The following SOX5 variants were observed in gnomAD, a reference collection of about 807,000 sequenced individuals.
The protein encoded by SOX5 is transcription factor SOX-5.
In SOX5, 9 loss-of-function variants were observed where a neutral mutation model predicts 92.0. The ratio of observed to expected loss-of-function variants is 0.10; its 90% CI spans 0.06 to 0.17. SOX5 has a LOEUF of 0.17. SOX5 is among the 10% of genes least tolerant of loss of function. The probability of loss-of-function intolerance (pLI) is 1.00; values close to 1 mark genes in which losing one functional copy is unlikely to be tolerated. For missense variants in SOX5, 642 were observed against 944.5 expected, an observed-to-expected ratio of 0.68 and a Z score of 4.20; for synonymous variants, 344 against 336.3, an observed-to-expected ratio of 1.02 and a Z score of -0.25.
intron 9 of SOX5, among the ~76,000 whole-genome samples, chr12:23,587,553 C>G (rs1993930): frequency 0.94 from 142,547 of 152,116 alleles, 67,470 homozygotes; most frequent in East Asian, 1. Context: ...CATAGATAGG[C>G]ACCTTGTAAT....
At chr12:23,984,397 C>G (rs572197942) in intron 4 of SOX5, among the ~76,000 whole-genome samples, 3 of 152,294 alleles carry the variant, frequency 2.0e-5, no homozygotes, top group African/African-American at 7.2e-5. Flanking sequence ...GCAGGAACTT[C>G]TAAACTGAAG....
intron 4 of SOX5, among the ~76,000 whole-genome samples, chr12:23,994,215 G>C (rs1259209012): frequency 6.6e-6 from 1 of 151,858 alleles, no homozygotes; most frequent in East Asian, 1.9e-4. Flanking sequence ...AATGAGTGAA[G>C]ACACATAGAA....
At chr12:24,060,740 G>A (rs904763838) in intron 4 of SOX5, among the ~76,000 whole-genome samples, 4 of 152,156 alleles carry the variant, frequency 2.6e-5, no homozygotes, top group Non-Finnish European at 5.9e-5. Flanking sequence ...GCGGGACTTC[G>A]ATAAAGCTAT....
At chr12:24,066,166 A>G (rs905584933) in intron 4 of SOX5, among the ~76,000 whole-genome samples, 2 of 152,234 alleles carry the variant, frequency 1.3e-5, no homozygotes, top group Non-Finnish European at 2.9e-5. Flanking sequence ...TATAAATTTG[A>G]CAAAAAGATA....
rs1025702944 is a variant in SOX5 at position 24,314,938 on chromosome 12, C to T, written c.-173-37626G>A. On this transcript the variant is annotated intron_variant, in intron 2 of 4. Transcript: ENST00000446891. ...ATACTGCATGGCTCTAAACTGTTTA[C>T]CTTGATTATTAATGCATCTGCAATG... Among the ~76,000 whole-genome samples, 65 of 152,284 alleles carry T rather than the reference C, an allele frequency of 4.3e-4. 1 individual carries two copies. The highest frequency in any genetic ancestry group is 1.4e-3 in the African/African-American group (60 of 41,546).
At position 24,278,047 on chromosome 12, in the gene SOX5, A is replaced by G. The variant is rs980232149; in HGVS notation, c.-173-735T>C. 2.6e-5 allele frequency among the ~76,000 whole-genome samples: 4 copies of G among 152,202 alleles called. 1 individual carries two copies. Among genetic ancestry groups the G allele is most frequent in the African/African-American group, 9.6e-5 (4 of 41,458 alleles). Reference sequence around the variant, plus strand: ...CAATCTGTTGAGATTCCCAAGAATCAGACTTATGAAAGCAAGGAACCTGTA... The same window carrying G: ...CAATCTGTTGAGATTCCCAAGAATCGGACTTATGAAAGCAAGGAACCTGTA... On this transcript the variant is annotated intron_variant, in intron 2 of 4. Coordinates refer to the SOX5 transcript ENST00000446891.
At chr12:23,714,337 T>C (rs1361599113) in intron 6 of SOX5, among the ~76,000 whole-genome samples, 3 of 152,148 alleles carry the variant, frequency 2.0e-5, no homozygotes, top group Admixed American at 6.6e-5. Context: ...TGTCTACACT[T>C]GTAGGCTGGG....
intron 8 of SOX5, among the ~76,000 whole-genome samples, chr12:23,617,415 G>C (rs1171508074): frequency 1.3e-5 from 2 of 152,100 alleles, no homozygotes; most frequent in African/African-American, 4.8e-5. Flanking sequence ...CTGTTAAAAA[G>C]CTATAGTGAA....
chr12:23,679,572 TCA>T, intron 6 of SOX5, among the ~76,000 whole-genome samples: 1 of 152,256 alleles, frequency 6.6e-6, no homozygotes, highest in Middle Eastern at 3.4e-3. Context: ...TATAACTCAA[TCA>T]CACAGACTTT....
intron 4 of SOX5, among the ~76,000 whole-genome samples, chr12:23,965,143 G>A (rs113538916): frequency 7.2e-5 from 11 of 152,320 alleles, no homozygotes; most frequent in East Asian, 1.9e-4. Context: ...ACCATCTACC[G>A]TGGAACAGAT....
chr12:23,938,133 A>G (rs1267031151), intron 1 of SOX5, among the ~76,000 whole-genome samples: 1 of 151,034 alleles, frequency 6.6e-6, no homozygotes, highest in East Asian at 1.9e-4. Context: ...CCAGATGTAT[A>G]ATTAAGGCAA....
chr12:23,559,594 C>G (rs1945832616), intron 11 of SOX5, among the ~76,000 whole-genome samples: 1 of 152,184 alleles, frequency 6.6e-6, no homozygotes. Flanking sequence ...ATCTTCACAC[C>G]TCTAATTGTT....
At chr12:24,090,044 A>G (rs1944455725) in intron 4 of SOX5, among the ~76,000 whole-genome samples, 1 of 152,180 alleles carries the variant, frequency 6.6e-6, no homozygotes, top group Non-Finnish European at 1.5e-5. Flanking sequence ...TTCTTAAAAT[A>G]AGACATTTTA....
intron 3 of SOX5, among the ~76,000 whole-genome samples, chr12:24,267,572 A>C (rs1380557109): frequency 6.6e-6 from 1 of 152,172 alleles, no homozygotes; most frequent in African/African-American, 2.4e-5. Flanking sequence ...ATGATAAATA[A>C]TCTAGAATTT....
At chr12:23,673,597 T>C (rs1425024105) in intron 6 of SOX5, among the ~76,000 whole-genome samples, 2 of 152,082 alleles carry the variant, frequency 1.3e-5, no homozygotes, top group African/African-American at 4.8e-5. Context: ...ACAATAAAAT[T>C]CCCTATTACT....
Position 23,532,191 on chromosome 12 carries a change from AAAAC to A in SOX5, c.*2024_*2027del, listed in dbSNP as rs964785559. The A allele has an allele frequency of 6.6e-5, 10 of 152,098 alleles. No individual in the cohort carries two copies. Among genetic ancestry groups the A allele is most frequent in the East Asian group, 3.9e-4 (2 of 5,178 alleles). The allele number at this position is 152,098 out of a possible 1,614,324, so 9.4% of individuals were successfully genotyped here. A position where few individuals can be genotyped will look rare whatever the true frequency, so the allele number is the denominator to read the frequency against. ...AGTTCAAATGTAAATAAAGTCATCA[AAAAC>A]AAACAAACAGAAAAACAAACAAAAT... On this transcript the variant is annotated 3_prime_UTR_variant, in exon 15 of 15. Transcript: ENST00000451604.
intron 4 of SOX5, among the ~76,000 whole-genome samples, chr12:24,095,128 CAGAGAGAGAGAG>C (rs764681203): frequency 1.1e-5 from 1 of 90,212 alleles, no homozygotes; most frequent in Non-Finnish European, 2.3e-5. Context: ...CACACACACA[CAGAGAGAGAGAG>C]AGAGAGAGAG....
chr12:23,716,319 T>C (rs750965862), intron 6 of SOX5, among the ~76,000 whole-genome samples: 11 of 152,216 alleles, frequency 7.2e-5, no homozygotes, highest in Non-Finnish European at 1.5e-4. Flanking sequence ...GCATAGTTAA[T>C]GATTTTGTCA....
intron 2 of SOX5, among the ~76,000 whole-genome samples, chr12:23,871,850 T>A (rs1347077775): frequency 6.6e-6 from 1 of 152,110 alleles, no homozygotes; most frequent in Non-Finnish European, 1.5e-5. Flanking sequence ...TGCCTACAGT[T>A]CTTAATGGAT....
Sources: gnomAD v4.1 joint callset for allele counts (sites outside exome capture counted in the v4.1 genomes callset) on GRCh38, gnomAD v4.1.1 for gene constraint, MANE v1.5 for transcripts, NCBI Gene and HGNC (gene_info 2026-07-23, HGNC 2026-07-21) for gene names.